Variants in FGD3 observed in about 807,000 individuals in gnomAD.
FGD3 encodes FYVE, RhoGEF and PH domain-containing protein 3.
Under a neutral mutation model 71.8 loss-of-function variants are expected in FGD3, and 45 were observed. The ratio of observed to expected loss-of-function variants is 0.63; its 90% CI spans 0.49 to 0.80. The LOEUF (loss-of-function observed/expected upper bound fraction) is 0.80. FGD3 is among the 30% of genes least tolerant of loss of function. The probability of loss-of-function intolerance (pLI) is 0.00; values close to 1 mark genes in which losing one functional copy is unlikely to be tolerated. For synonymous variants in FGD3, 378 were observed against 392.8 expected (o/e 0.96, Z 0.44); for missense variants, 844 against 951.5 (o/e 0.89, Z 1.49).
Position 93,002,948 on chromosome 9 carries a change from C to T in FGD3, c.477C>T (p.Leu159=). The change falls in exon 4 of 18, where the codon CTC becomes CTT. Residue 159 remains leucine (L), a synonymous_variant. Coordinates refer to ENST00000375482, the MANE Select transcript of FGD3 (RefSeq NM_001083536.2). ...AGCACTCTGGCCCCCAGAAGCTTCT[C>T]CACATTGCCCAGGAGCTCCTGCACA... ...LAQHSGPQKL[L]HIAQELLHTE... 3 of 1,614,096 alleles carry T rather than the reference C, an allele frequency of 1.9e-6. No homozygotes were observed. Among genetic ancestry groups the T allele is most frequent in the Non-Finnish European group, 2.5e-6 (3 of 1,180,032 alleles).
intron 11 of FGD3, 123 bp from the exon 12 acceptor site, chr9:93,019,708 A>G: frequency 1.0e-6 from 1 of 961,496 alleles, no homozygotes; most frequent in Non-Finnish European, 1.7e-6. Context: ...CCAATCTTCC[A>G]ATCCTTGAGC....
At chr9:93,005,672 C>CTAAATAGAA (rs1170660661) in intron 5 of FGD3, among the ~76,000 whole-genome samples, 1 of 152,204 alleles carries the variant, frequency 6.6e-6, no homozygotes, top group Non-Finnish European at 1.5e-5. Flanking sequence ...CTAATCTTTG[C>CTAAATAGAA]CCATTTAAAA....
chr9:93,010,308 C>G lies in FGD3; in HGVS notation c.900C>G (p.Val300=), dbSNP rs576305111. 71 of 1,613,544 alleles carry G rather than the reference C, an allele frequency of 4.4e-5. No homozygotes were observed. In the African/African-American group the frequency reaches 8.8e-4, roughly 20 times the overall value. The change falls in exon 7 of 18, where the codon GTC becomes GTG. Residue 300 remains valine (V), a synonymous_variant. Transcript: ENST00000375482. The part of the protein sequence containing the change: ...QHHMLEPVQR[V]PRYELLLKDY... ...ACATGCTGGAGCCCGTGCAGAGGGT[C>G]CCCCGGTACGAGCTGCTGCTCAAGG...
At chr9:93,014,259 GCCC>G (rs200104233) in intron 9 of FGD3, among the ~76,000 whole-genome samples, 14,353 of 152,048 alleles carry the variant, frequency 0.094, 1,293 homozygotes, top group African/African-American at 0.24. Context: ...ATCCCTCGTA[GCCC>G]ATACCTCTTT....
chr9:93,018,120 G>T lies in FGD3; in HGVS notation c.1276-16G>T, dbSNP rs1303026405. On this transcript the variant is annotated splice_polypyrimidine_tract_variant and intron_variant, in intron 10 of 17. Coordinates refer to ENST00000375482, the MANE Select transcript of FGD3 (RefSeq NM_001083536.2). ...CCAGCTTGGGTTTGCTTTGTTCTTT[G>T]TTCTTGCCCCTTCAGGTGCAGGATA... The T allele has an allele frequency of 1.1e-5, 18 of 1,613,356 alleles. No homozygotes were observed. The East Asian group carries it at 2.5e-4, about 22-fold the overall frequency.
Position 93,013,839 on chromosome 9 carries a change from A to C in FGD3, c.1036-13A>C, listed in dbSNP as rs373582274. The C allele has an allele frequency of 1.9e-6, 3 of 1,612,112 alleles. No homozygotes were observed. The African/African-American group carries it at 4.0e-5, about 22-fold the overall frequency. ...CACAGACCTTTGGTGCCTGAGTCCC[A>C]TGTCTCTTGCAGGAGAAAATGCACA... On this transcript the variant is annotated splice_polypyrimidine_tract_variant and intron_variant, in intron 8 of 17. Transcript: ENST00000375482.
intron 1 of FGD3, among the ~76,000 whole-genome samples, chr9:92,953,442 C>T (rs1176996890): frequency 2.6e-5 from 4 of 152,320 alleles, no homozygotes; most frequent in African/African-American, 9.6e-5. Context: ...TCCACTTTGG[C>T]CAAGATGACT....
At chr9:92,982,986 T>C (rs1202456548) in intron 3 of FGD3, among the ~76,000 whole-genome samples, 3 of 151,976 alleles carry the variant, frequency 2.0e-5, no homozygotes, top group Admixed American at 2.0e-4. Flanking sequence ...CTTGGGAGGC[T>C]GAGGCAGGAG....
intron 14 of FGD3, among the ~76,000 whole-genome samples, chr9:93,025,798 C>G (rs548699823): frequency 6.6e-6 from 1 of 152,226 alleles, no homozygotes; most frequent in African/African-American, 2.4e-5. Flanking sequence ...GGGTGACACA[C>G]GAACCCCTCC....
At chr9:92,987,286 G>A (rs1860223111) in intron 3 of FGD3, among the ~76,000 whole-genome samples, 1 of 151,998 alleles carries the variant, frequency 6.6e-6, no homozygotes, top group African/African-American at 2.4e-5. Flanking sequence ...CAAAAAAATA[G>A]CTAAGTGTGG....
chr9:93,000,607 C>T (rs1860824219), intron 3 of FGD3, among the ~76,000 whole-genome samples: 1 of 152,096 alleles, frequency 6.6e-6, no homozygotes, highest in South Asian at 2.1e-4. Flanking sequence ...AATGTATCCT[C>T]CCTCTGCCTT....
At chr9:92,957,084 C>T (rs572959117) in intron 1 of FGD3, among the ~76,000 whole-genome samples, 3 of 152,306 alleles carry the variant, frequency 2.0e-5, no homozygotes, top group South Asian at 2.1e-4. Flanking sequence ...CCACACTTTG[C>T]TTATTACGCA....
rs1226269716 is a variant in FGD3 at position 93,003,782 on chromosome 9, AC to A, written c.544-216del. Among the ~76,000 whole-genome samples the A allele has an allele frequency of 6.6e-6, 1 of 152,198 alleles. No individual in the cohort carries two copies. Among genetic ancestry groups the A allele is most frequent in the Non-Finnish European group, 1.5e-5 (1 of 68,038 alleles). ...GTCCTCAGGCGACTGTCCCTGCCTC[AC>A]CCACATTCGTAAGTCATAAGTGAGC... On this transcript the variant is annotated intron_variant, in intron 4 of 17. Coordinates refer to ENST00000375482, the MANE Select transcript of FGD3 (RefSeq NM_001083536.2). This position sits in a 1 kb window ranked among gnomAD's most constrained non-coding sequence, Gnocchi z 4.1.
Position 93,015,774 on chromosome 9 carries a change from G to T in FGD3, c.1220G>T (p.Arg407Leu), listed in dbSNP as rs760017502. The change falls in exon 10 of 18, where the codon CGG (arginine) becomes CTG (leucine). Residue 407 changes from arginine to leucine, a missense_variant. Coordinates refer to ENST00000375482, the MANE Select transcript of FGD3 (RefSeq NM_001083536.2). ...SMILYCVPKL[R>L]LMGQKFSVRE... ...ATCCTTTACTGTGTGCCCAAGCTGC[G>T]GCTCATGGGCCAGAAGTTCAGCGTC... 6.2e-7 allele frequency: 1 copy of T among 1,613,988 alleles called. No individual in the cohort carries two copies. Among genetic ancestry groups the T allele is most frequent in the Non-Finnish European group, 8.5e-7 (1 of 1,180,028 alleles).
Position 93,035,379 on chromosome 9 carries a change from A to C in FGD3, c.1968A>C (p.Lys656Asn). 6.2e-7 allele frequency: 1 copy of C among 1,611,276 alleles called. No individual in the cohort carries two copies. Among genetic ancestry groups the C allele is most frequent in the Non-Finnish European group, 8.5e-7 (1 of 1,179,058 alleles). The stretch of plus-strand genomic sequence containing the variant: ...GCACCATCCCTCTCCCCAGCTGCAA[A>C]CTGAGTGTGCCGGACCCTGAGGAGA... ...LPRTIPLPSC[K>N]LSVPDPEERL... Residue 656 changes from lysine (K) to asparagine (N), a missense_variant, in exon 18 of 18, where the codon AAA (lysine) becomes AAC (asparagine). By Grantham distance (94) the Lys-to-Asn change is moderately conservative. Transcript: ENST00000375482.
rs1459671013 is a variant in FGD3, at chr9:93,005,945, CT to C, written c.681-78del. 6.0e-6 allele frequency: 9 copies of C among 1,487,672 alleles called. No homozygotes were observed. The African/African-American group carries it at 8.4e-5, about 14-fold the overall frequency. The allele number at this position is 1,487,672 out of a possible 1,614,324, so 92.2% of individuals were successfully genotyped here. The stretch of plus-strand genomic sequence containing the variant: ...GAGCTGGCCTCCACCCCACACCCCC[CT>C]GGTGGAGTTCATGTCCACTAACCTC... On this transcript the variant is annotated intron_variant, in intron 5 of 17. Coordinates refer to ENST00000375482, the MANE Select transcript of FGD3 (RefSeq NM_001083536.2).
chr9:93,034,224 T>C (rs1255258686), intron 16 of FGD3: 3 of 294,110 alleles, frequency 1.0e-5, no homozygotes, highest in Non-Finnish European at 1.9e-5. Context: ...GAAGTCCCTG[T>C]CCCGTGACCC....
intron 1 of FGD3, among the ~76,000 whole-genome samples, chr9:92,952,678 C>T (rs966304192): frequency 6.6e-6 from 1 of 151,880 alleles, no homozygotes; most frequent in Non-Finnish European, 1.5e-5. Context: ...CCTTCTCTTC[C>T]TTCCTCACTC....
intron 8 of FGD3, among the ~76,000 whole-genome samples, chr9:93,011,502 C>T (rs1399170492): frequency 6.6e-6 from 1 of 152,196 alleles, no homozygotes; most frequent in Non-Finnish European, 1.5e-5. Flanking sequence ...CTTAGTTTCC[C>T]CATCTATAAA....
Sources: allele counts gnomAD v4.1 joint callset (sites outside exome capture counted in the v4.1 genomes callset), GRCh38; gene constraint gnomAD v4.1.1; non-coding constraint Gnocchi (gnomAD v3.1); transcripts MANE v1.5; gene names NCBI Gene and HGNC (gene_info 2026-07-23, HGNC 2026-07-21).